Variants in MARCHF1 observed in about 807,000 individuals in gnomAD.
MARCHF1 encodes membrane associated ring-CH-type finger 1.
Under a neutral mutation model 54.2 loss-of-function variants are expected in MARCHF1, and 40 were observed. That is an observed-to-expected ratio of 0.74 (90% confidence interval 0.57 to 0.96). MARCHF1 has a LOEUF of 0.96. Ranked by LOEUF, MARCHF1 falls within the 40% of genes least tolerant of loss-of-function variation. MARCHF1 has a pLI of 0.00. For missense variants in MARCHF1, 586 were observed against 656.5 expected (o/e 0.89, Z 1.17); for synonymous variants, 236 against 236.3 (o/e 1.00, Z 0.01).
At chr4:164,324,353 T>C (rs921877473) in intron 1 of MARCHF1, among the ~76,000 whole-genome samples, 2 of 151,778 alleles carry the variant, frequency 1.3e-5, no homozygotes, top group Admixed American at 6.6e-5. Context: ...ACAATTACAA[T>C]TATAATTGGA....
intron 2 of MARCHF1, among the ~76,000 whole-genome samples, chr4:164,017,302 T>A (rs1753563671): frequency 6.6e-6 from 1 of 151,948 alleles, no homozygotes; most frequent in Non-Finnish European, 1.5e-5. Flanking sequence ...TGAATTAGGG[T>A]TCTAGCCAGT....
At chr4:164,369,099 G>C (rs1380235120) in intron 1 of MARCHF1, among the ~76,000 whole-genome samples, 1 of 152,142 alleles carries the variant, frequency 6.6e-6, no homozygotes, top group Admixed American at 6.5e-5. Context: ...AGGTAAGTGG[G>C]CTGCTCCGGG....
At chr4:164,303,409 G>A (rs1311281463) in intron 1 of MARCHF1, among the ~76,000 whole-genome samples, 1 of 152,162 alleles carries the variant, frequency 6.6e-6, no homozygotes, top group African/African-American at 2.4e-5. Context: ...AAAAGGAAAG[G>A]AAGCTAAACT....
chr4:164,241,706 T>C (rs1732759395), intron 1 of MARCHF1, among the ~76,000 whole-genome samples: 2 of 152,108 alleles, frequency 1.3e-5, no homozygotes, highest in Admixed American at 6.5e-5. Flanking sequence ...TGCATTTCCA[T>C]CTGAGGTACC....
At chr4:164,341,884 T>C (rs1729941597) in intron 1 of MARCHF1, among the ~76,000 whole-genome samples, 1 of 152,198 alleles carries the variant, frequency 6.6e-6, no homozygotes, top group South Asian at 2.1e-4. Context: ...TTAAGTAAAG[T>C]TGAAGTCCAC....
chr4:163,860,709 C>G (rs1385113090), intron 3 of MARCHF1, among the ~76,000 whole-genome samples: 1 of 152,194 alleles, frequency 6.6e-6, no homozygotes, highest in Non-Finnish European at 1.5e-5. Flanking sequence ...TGATGTATAG[C>G]TTAAAGAACT....
At chr4:164,054,364 T>C (rs1193640482) in intron 2 of MARCHF1, among the ~76,000 whole-genome samples, 1 of 152,054 alleles carries the variant, frequency 6.6e-6, no homozygotes, top group Non-Finnish European at 1.5e-5. Context: ...CAAGTCAGTG[T>C]GGCGATTCCT....
chr4:164,129,332 G>A (rs1309899490), intron 1 of MARCHF1, among the ~76,000 whole-genome samples: 1 of 152,012 alleles, frequency 6.6e-6, no homozygotes, highest in Non-Finnish European at 1.5e-5. Flanking sequence ...ATTTTATAGT[G>A]GCTTGGTAAT....
At chr4:164,104,142 G>C (rs1755637933) in intron 2 of MARCHF1, among the ~76,000 whole-genome samples, 2 of 148,242 alleles carry the variant, frequency 1.3e-5, no homozygotes. Flanking sequence ...CAACCAAAAA[G>C]AGTCCAGGAC....
intron 7 of MARCHF1, among the ~76,000 whole-genome samples, chr4:163,586,282 C>A (rs1011734859): frequency 6.6e-6 from 1 of 152,000 alleles, no homozygotes; most frequent in African/African-American, 2.4e-5. Flanking sequence ...GTGTACAAAG[C>A]GTATATGAAA....
chr4:163,792,977 A>G (rs911941565), intron 4 of MARCHF1, among the ~76,000 whole-genome samples: 2 of 152,208 alleles, frequency 1.3e-5, no homozygotes, highest in African/African-American at 4.8e-5. Context: ...TCTCCTCTCT[A>G]AAGCGAATCT....
At position 163,569,013 on chromosome 4, in the gene MARCHF1, C is replaced by A. The variant is rs145090054; in HGVS notation, c.1191+16736G>T. Among the ~76,000 whole-genome samples, 164 of 152,266 alleles carry A rather than the reference C, an allele frequency of 1.1e-3. 2 individuals carry two copies. In the Middle Eastern group the frequency reaches 0.014, roughly 13 times the overall value. ...TTTCTCCTCCTTCATTGAAATGGTA[C>A]GCTTTGGTGCTCCTGGTGTCAGCCA... is the stretch of plus-strand genomic sequence containing the variant. On this transcript the variant is annotated intron_variant, in intron 8 of 9. Transcript: ENST00000514618.
chr4:164,138,726 C>T (rs1756456983), intron 1 of MARCHF1, among the ~76,000 whole-genome samples: 1 of 152,162 alleles, frequency 6.6e-6, no homozygotes, highest in African/African-American at 2.4e-5. Flanking sequence ...AGATTCATCA[C>T]CTCATGTGGA....
chr4:164,145,043 C>G, intron 1 of MARCHF1, among the ~76,000 whole-genome samples: 1 of 141,750 alleles, frequency 7.1e-6, no homozygotes, highest in Middle Eastern at 3.4e-3. Context: ...ACTACAAACA[C>G]CTCTACGCAA....
chr4:164,332,969 A>G (rs4328872), intron 1 of MARCHF1, among the ~76,000 whole-genome samples: 82,466 of 151,840 alleles, frequency 0.54, 22,978 homozygotes, highest in East Asian at 0.65. Flanking sequence ...AATTTTAGGG[A>G]ATATTATGGT....
At chr4:163,690,789 G>T (rs954740418) in intron 5 of MARCHF1, among the ~76,000 whole-genome samples, 1 of 152,168 alleles carries the variant, frequency 6.6e-6, no homozygotes, top group East Asian at 1.9e-4. Context: ...GTAACAGATT[G>T]CTGGACTTGC....
intron 3 of MARCHF1, among the ~76,000 whole-genome samples, chr4:163,870,933 C>T (rs1750155513): frequency 6.6e-6 from 1 of 151,804 alleles, no homozygotes; most frequent in African/African-American, 2.4e-5. Context: ...TATAGGGTGA[C>T]TATAATTAAC....
intron 4 of MARCHF1, among the ~76,000 whole-genome samples, chr4:163,818,505 T>C (rs1466306825): frequency 6.6e-6 from 1 of 152,170 alleles, no homozygotes; most frequent in East Asian, 1.9e-4. Flanking sequence ...TTTTATAAAG[T>C]TGAAATTGTG....
Position 163,798,048 on chromosome 4 carries a change from G to A in MARCHF1, c.111+55973C>T, listed in dbSNP as rs183701185. On this transcript the variant is annotated intron_variant, in intron 4 of 9. Coordinates refer to ENST00000514618, the MANE Select transcript of MARCHF1 (RefSeq NM_001394959.1). ...TTGCACTTAGGGGGTGCTATGGACT[G>A]AACTGTGTCTTCCTCACATTCATAT... Among the ~76,000 whole-genome samples, 302 of 152,284 alleles carry A rather than the reference G, an allele frequency of 2.0e-3. 1 individual carries two copies. Among genetic ancestry groups the A allele is most frequent in the Non-Finnish European group, 2.2e-3 (149 of 67,998 alleles).
Sources: allele counts gnomAD v4.1 joint callset (sites outside exome capture counted in the v4.1 genomes callset), GRCh38; gene constraint gnomAD v4.1.1; transcripts MANE v1.5; gene names NCBI Gene and HGNC (gene_info 2026-07-23, HGNC 2026-07-21).